Variants in AK7 observed in about 807,000 individuals in gnomAD.
AK7 encodes ATP-AMP transphosphorylase 7.
Under a neutral mutation model 96.6 loss-of-function variants are expected in AK7, and 78 were observed. That is an observed-to-expected ratio of 0.81 (90% CI 0.67 to 0.97). The LOEUF (loss-of-function observed/expected upper bound fraction) is 0.97. AK7 is among the 50% of genes least tolerant of loss of function. AK7 has a pLI of 0.00. For synonymous variants in AK7, 302 were observed against 317.2 expected, an observed-to-expected ratio of 0.95 and a Z score of 0.51; for missense variants, 855 against 887.9, an observed-to-expected ratio of 0.96 and a Z score of 0.47.
intron 5 of AK7, among the ~76,000 whole-genome samples, chr14:96,428,918 G>T (rs1161168076): frequency 2.0e-5 from 3 of 152,152 alleles, no homozygotes; most frequent in Non-Finnish European, 4.4e-5. Flanking sequence ...TAGGTTGCCT[G>T]TTCACTCTGA....
chr14:96,408,585 T>G (rs1407299694), intron 3 of AK7, among the ~76,000 whole-genome samples: 2 of 152,042 alleles, frequency 1.3e-5, no homozygotes, highest in Admixed American at 1.3e-4. Context: ...ATGAGCATAG[T>G]GGAGAGAAAG....
Position 96,407,832 on chromosome 14 carries a change from C to T in AK7, c.404-1015C>T, listed in dbSNP as rs550803393. Among the ~76,000 whole-genome samples, 20 of 152,156 alleles carry T rather than the reference C, an allele frequency of 1.3e-4. No homozygotes were observed. In the South Asian group the frequency reaches 4.0e-3, roughly 30 times the overall value. Reference sequence around the variant, plus strand: ...TCCTGACCTCGTGATCCGCCCGCCTCGGCCTCCCAAAGTGCTGGGATTAGG... The same window carrying T: ...TCCTGACCTCGTGATCCGCCCGCCTTGGCCTCCCAAAGTGCTGGGATTAGG... On this transcript the variant is annotated intron_variant, in intron 3 of 17. Transcript: ENST00000267584.
intron 3 of AK7, 63 bp downstream of exon 3, chr14:96,404,928 T>C: frequency 8.3e-7 from 1 of 1,199,484 alleles, no homozygotes. Flanking sequence ...CTTCACCTAA[T>C]AGTCATCTAG....
intron 6 of AK7, among the ~76,000 whole-genome samples, chr14:96,439,439 C>T (rs527424760): frequency 5.9e-5 from 9 of 152,194 alleles, no homozygotes; most frequent in Non-Finnish European, 1.2e-4. Flanking sequence ...CCAAGGCAGG[C>T]GGATCACAAG....
intron 1 of AK7, among the ~76,000 whole-genome samples, chr14:96,394,688 G>C (rs1364624125): frequency 2.0e-5 from 3 of 152,172 alleles, no homozygotes; most frequent in Non-Finnish European, 4.4e-5. Context: ...AAAAGATACA[G>C]ATACAGGCTG....
At chr14:96,470,679 A>G (rs1354897783) in intron 12 of AK7, among the ~76,000 whole-genome samples, 1 of 152,190 alleles carries the variant, frequency 6.6e-6, no homozygotes, top group Non-Finnish European at 1.5e-5. Context: ...GAAGCATTAC[A>G]GAGAAAAGTG....
In AK7 at chr14:96,392,246, G is replaced by T; in HGVS notation, c.92G>T (p.Gly31Val). 1 of 1,612,560 alleles carries T rather than the reference G, an allele frequency of 6.2e-7. No individual in the cohort carries two copies. Residue 31 changes from glycine (G) to valine (V), a missense_variant, in exon 1 of 18, where the codon GGA becomes GTA. Transcript: ENST00000267584. ...AACCTGTTGGATTCCTACAGCAGCG[G>T]AAACATCGGGAAGGTGAGCGGCGGC... ...FINLLDSYSS[G>V]NIGKFLSNCV... is the part of the protein sequence containing the mutation.
chr14:96,463,426 A>G (rs184766432), intron 12 of AK7, among the ~76,000 whole-genome samples: 8 of 151,968 alleles, frequency 5.3e-5, no homozygotes, highest in Middle Eastern at 3.4e-3. Flanking sequence ...AATAATAATA[A>G]TAAGAGAGAG....
Position 96,483,225 on chromosome 14 carries a change from T to A in AK7, c.1974+6T>A. The A allele has an allele frequency of 6.3e-7, 1 of 1,584,548 alleles. No individual in the cohort carries two copies. The highest frequency in any genetic ancestry group is 2.3e-5 in the East Asian group (1 of 44,094). ...TAGCTCGCTGGGAGGAGTGGGTGAG[T>A]GGTGAGTGTGTTTGTGAGTCTGTGT... is the stretch of plus-strand genomic sequence containing the variant. On this transcript the variant is annotated splice_donor_region_variant and intron_variant, in intron 16 of 17. Coordinates refer to ENST00000267584, the MANE Select transcript of AK7 (RefSeq NM_152327.5).
chr14:96,458,653 A>G, intron 12 of AK7, among the ~76,000 whole-genome samples: 1 of 151,776 alleles, frequency 6.6e-6, no homozygotes. Flanking sequence ...GAGGCAGGAC[A>G]ATTGCTTGAA....
intron 17 of AK7, 54 bp from the exon 18 acceptor site, chr14:96,488,251 T>TA (rs1463504423): frequency 5.5e-5 from 83 of 1,507,862 alleles, no homozygotes; most frequent in Non-Finnish European, 6.7e-5. Flanking sequence ...CTAATACAAA[T>TA]ACATGACTAA....
At chr14:96,392,829 A>AT (rs201082782) in intron 1 of AK7, among the ~76,000 whole-genome samples, 3,261 of 152,106 alleles carry the variant, frequency 0.021, 127 homozygotes, top group African/African-American at 0.074. Context: ...CGCCCGGCTA[A>AT]TTTTTTGTAT....
chr14:96,412,218 CTTTCTTTCTTT>C (rs1359524679), intron 4 of AK7, among the ~76,000 whole-genome samples: 1 of 117,948 alleles, frequency 8.5e-6, no homozygotes, highest in African/African-American at 3.3e-5. Context: ...TTCTTCCTTT[CTTTCTTTCTTT>C]TTTTTTTTTT....
At chr14:96,450,768 CTTT>C (rs937558741) in intron 9 of AK7, among the ~76,000 whole-genome samples, 2 of 93,178 alleles carry the variant, frequency 2.1e-5, no homozygotes, top group African/African-American at 9.0e-5. Flanking sequence ...ATATTTTTCT[CTTT>C]TTTTTTTTTT....
chr14:96,442,779 C>T lies in AK7; in HGVS notation c.740C>T (p.Thr247Ile). The part of the protein sequence containing the change: ...IPALPVFGDG[T>I]NVIPTIHVLD... Reference sequence around the variant, plus strand: ...GCATTACCAGTTTTTGGCGATGGAACAAATGTAATTCCAACAATCCATGTT... The same window carrying T: ...GCATTACCAGTTTTTGGCGATGGAATAAATGTAATTCCAACAATCCATGTT... The change falls in exon 7 of 18, where the codon ACA becomes ATA. Residue 247 changes from threonine (T) to isoleucine (I), a missense_variant. By Grantham distance (89) the Thr-to-Ile change is moderately conservative (BLOSUM62 -1). Transcript: ENST00000267584. The T allele has an allele frequency of 6.2e-7, 1 of 1,614,198 alleles. No individual in the cohort carries two copies.
At chr14:96,478,863 C>T (rs904834100) in intron 15 of AK7, among the ~76,000 whole-genome samples, 7 of 150,660 alleles carry the variant, frequency 4.6e-5, no homozygotes, top group Admixed American at 2.0e-4. Flanking sequence ...GTGTTATTAT[C>T]GTATGAGAAT....
intron 4 of AK7, among the ~76,000 whole-genome samples, chr14:96,419,770 A>AT (rs200746590): frequency 5.6e-5 from 7 of 125,470 alleles, no homozygotes; most frequent in Admixed American, 8.0e-5. Context: ...CTCCTAAAGC[A>AT]TTTTTTTTTC....
intron 11 of AK7, among the ~76,000 whole-genome samples, chr14:96,457,397 CA>C (rs1425891243): frequency 6.6e-6 from 1 of 152,146 alleles, no homozygotes; most frequent in African/African-American, 2.4e-5. Context: ...GGAATTTTAA[CA>C]TTTTAGAAAT....
Position 96,485,415 on chromosome 14 carries a change from ACT to A in AK7, c.1975-1476_1975-1475del, listed in dbSNP as rs199628354. 4.6e-5 allele frequency among the ~76,000 whole-genome samples: 7 copies of A among 151,326 alleles called. No homozygotes were observed. The East Asian group carries it at 1.4e-3, about 29-fold the overall frequency. On this transcript the variant is annotated intron_variant, in intron 16 of 17. Coordinates refer to ENST00000267584, the MANE Select transcript of AK7 (RefSeq NM_152327.5). Reference sequence around the variant, plus strand: ...GCTGCTAGAGATCAAATCCCACTCCACTCTCTCTGTAGGTATGTGGCCTTGTG... The same window carrying A: ...GCTGCTAGAGATCAAATCCCACTCCACTCTCTGTAGGTATGTGGCCTTGTG...
Sources: allele counts gnomAD v4.1 joint callset (sites outside exome capture counted in the v4.1 genomes callset), GRCh38; gene constraint gnomAD v4.1.1; transcripts MANE v1.5; gene names NCBI Gene and HGNC (gene_info 2026-07-23, HGNC 2026-07-21).